Variants in KANSL1L observed in about 807,000 individuals in gnomAD.
KANSL1L encodes KAT8 regulatory NSL complex subunit 1-like protein.
Under a neutral mutation model 108.6 loss-of-function variants are expected in KANSL1L, and 25 were observed. The ratio of observed to expected loss-of-function variants is 0.23; its 90% confidence interval spans 0.17 to 0.32. The LOEUF (loss-of-function observed/expected upper bound fraction) is 0.32. Ranked by LOEUF, KANSL1L falls within the 10% of genes least tolerant of loss-of-function variation. The pLI, the probability that KANSL1L is intolerant of heterozygous loss-of-function variation, is 1.00. For missense variants in KANSL1L, 1,137 were observed against 1,125.7 expected (o/e 1.01, Z -0.14); for synonymous variants, 405 against 395.1 (o/e 1.03, Z -0.30).
chr2:210,090,576 CACCA>C (rs1416465825), intron 5 of KANSL1L, among the ~76,000 whole-genome samples: 24 of 152,262 alleles, frequency 1.6e-4, no homozygotes, highest in African/African-American at 5.5e-4. Context: ...CTCACTCTGT[CACCA>C]AGGCTGGAGG....
In KANSL1L at chr2:210,024,134, T is replaced by C; in HGVS notation, c.2632A>G (p.Ser878Gly). The C allele has an allele frequency of 6.2e-7, 1 of 1,611,730 alleles. No homozygotes were observed. The highest frequency in any genetic ancestry group is 8.5e-7 in the Non-Finnish European group (1 of 1,178,670). ...GGACTTGCAGCAGCACATTGCTGACTGCTACTGAAGTTATTAGGGTATTCT... is the reference window on the plus strand; with the variant it reads ...GGACTTGCAGCAGCACATTGCTGACCGCTACTGAAGTTATTAGGGTATTCT... ...LKEYPNNFSS[S>G]QQCAAASPPG... The change falls in exon 14 of 15, where the codon AGT (serine) becomes GGT (glycine). Residue 878 changes from serine (S) to glycine (G), a missense_variant. By Grantham distance (56) the Ser-to-Gly change is moderately conservative. This residue lies in a region of KANSL1L where 575 missense variants were observed against 567.1 expected (regional missense o/e 1.01). Transcript: ENST00000281772.
intron 6 of KANSL1L, among the ~76,000 whole-genome samples, chr2:210,072,426 C>T (rs1485058996): frequency 2.0e-5 from 3 of 152,190 alleles, no homozygotes; most frequent in African/African-American, 4.8e-5. Flanking sequence ...CTATATGCCC[C>T]CTGGCAACTG....
intron 7 of KANSL1L, among the ~76,000 whole-genome samples, chr2:210,041,292 G>C (rs1050478578): frequency 3.3e-5 from 5 of 152,226 alleles, no homozygotes; most frequent in South Asian, 2.1e-4. Flanking sequence ...CATTTATTAA[G>C]AGACACCTAA....
rs188285074 is a variant in KANSL1L, at chr2:210,040,463, A to C, written c.1986T>G (p.Ala662=). Residue 662 remains alanine, a synonymous_variant, in exon 8 of 15, where the codon GCT becomes GCG. Transcript: ENST00000281772. ...LKKTEIKGNL[A]ENKFVDEYII... ...TATATTCATCTACAAATTTATTTTC[A>C]GCAAGATTGCCTTTTATTTCAGTCT... The C allele has an allele frequency of 6.4e-7, 1 of 1,568,182 alleles. No homozygotes were observed. Among genetic ancestry groups the C allele is most frequent in the Admixed American group, 1.7e-5 (1 of 57,710 alleles).
chr2:210,032,502 G>C (rs1357342242), intron 8 of KANSL1L: 1 of 152,218 alleles, frequency 6.6e-6, no homozygotes, highest in East Asian at 1.9e-4. Context: ...AGGTGCTCTA[G>C]ACCCACAAGA....
rs566462717 is a variant in KANSL1L, at chr2:210,088,191, A to C, written c.1550+9895T>G. Reference sequence around the variant, plus strand: ...TCATGGTGGTGAACCTGAGTTATCAAAAAAATTAAGTTCAGCTCTTTCCCA... The same window carrying C: ...TCATGGTGGTGAACCTGAGTTATCACAAAAATTAAGTTCAGCTCTTTCCCA... On this transcript the variant is annotated intron_variant, in intron 5 of 14. Coordinates refer to ENST00000281772, the MANE Select transcript of KANSL1L (RefSeq NM_152519.4). 7 of 152,344 alleles carry C rather than the reference A, an allele frequency of 4.6e-5. No individual in the cohort carries two copies. The East Asian group carries it at 1.2e-3, about 25-fold the overall frequency. 9.4% of individuals were successfully genotyped at this position (152,344 alleles called of 1,614,324 possible). A position where few individuals can be genotyped will look rare whatever the true frequency, so the allele number is the denominator to read the frequency against.
At chr2:210,043,852 T>C (rs1321695916) in intron 7 of KANSL1L, 87 bp downstream of exon 7, 6 of 929,922 alleles carry the variant, frequency 6.5e-6, no homozygotes, top group East Asian at 2.7e-5. Context: ...ATTGATAAAA[T>C]AAGATTTATT....
chr2:210,106,847 C>T (rs186414788), intron 3 of KANSL1L, among the ~76,000 whole-genome samples: 14 of 151,992 alleles, frequency 9.2e-5, no homozygotes, highest in Admixed American at 7.9e-4. Flanking sequence ...TAAACTACTA[C>T]CCTGGACAAA....
chr2:210,144,524 G>C (rs1268198337), intron 2 of KANSL1L, among the ~76,000 whole-genome samples: 1 of 151,950 alleles, frequency 6.6e-6, no homozygotes, highest in Admixed American at 6.6e-5. Flanking sequence ...TCTCTGACTG[G>C]ATATTTTCAA....
rs71043976 is a variant in KANSL1L, at chr2:210,162,222, G to GTATATATATATATATATATATATATATA, written c.-29-7612_-29-7611insTATATATATATATATATATATATATATA. Among the ~76,000 whole-genome samples, 143 of 107,458 alleles carry GTATATATATATATATATATATATATATA rather than the reference G, an allele frequency of 1.3e-3. 4 individuals carry two copies. The highest frequency in any genetic ancestry group is 1.5e-3 in the Non-Finnish European group (80 of 53,388). The allele number at this position is 107,458 out of a possible 152,430, so 70.5% of individuals were successfully genotyped here. A position where few individuals can be genotyped will look rare whatever the true frequency, so the allele number is the denominator to read the frequency against. On this transcript the variant is annotated intron_variant, in intron 1 of 14. Coordinates refer to ENST00000281772, the MANE Select transcript of KANSL1L (RefSeq NM_152519.4). ...ATTACCCCCAAATTTAGTGGTTCAG[G>GTATATATATATATATATATATATATATA]TATATATATATATATATATATGTAT... is the stretch of plus-strand genomic sequence containing the variant.
rs144942878 is a variant in KANSL1L at position 210,023,316 on chromosome 2, A to C, written c.2734-137T>G. The C allele has an allele frequency of 2.4e-3, 1,560 of 647,236 alleles. 17 individuals are homozygous for C. The highest frequency in any genetic ancestry group is 0.024 in the African/African-American group (1,314 of 54,698). 40.1% of individuals were successfully genotyped at this position (647,236 alleles called of 1,614,324 possible). On this transcript the variant is annotated intron_variant, in intron 14 of 14. Transcript: ENST00000281772. ...CATAAATGTACAATTTTTCATTTCA[A>C]CTTAAATAGCAACTCAAAATGGAAT...
At chr2:210,148,962 A>T (rs1219495684) in intron 2 of KANSL1L, among the ~76,000 whole-genome samples, 1 of 152,134 alleles carries the variant, frequency 6.6e-6, no homozygotes, top group Non-Finnish European at 1.5e-5. Context: ...AAAATTACAA[A>T]CACTGAAAAT....
chr2:210,153,454 A>G (rs1397665020), intron 2 of KANSL1L, 41 bp downstream of exon 2: 2 of 1,502,548 alleles, frequency 1.3e-6, no homozygotes, highest in Non-Finnish European at 1.9e-6. Context: ...TTGCTGCTAT[A>G]TATGGAACAG....
chr2:210,145,179 C>G (rs563802008), intron 2 of KANSL1L, among the ~76,000 whole-genome samples: 1 of 152,188 alleles, frequency 6.6e-6, no homozygotes, highest in Non-Finnish European at 1.5e-5. Flanking sequence ...CTGGTGGGGT[C>G]GGTCCTCCTC....
chr2:210,108,147 A>G (rs1372356853), intron 3 of KANSL1L, among the ~76,000 whole-genome samples: 1 of 152,228 alleles, frequency 6.6e-6, no homozygotes, highest in Admixed American at 6.5e-5. Flanking sequence ...TAACATTTCA[A>G]CTAAGTTGCA....
At chr2:210,079,727 G>GATAT (rs2094574983) in intron 5 of KANSL1L, 1 of 69,096 alleles carries the variant, frequency 1.4e-5, no homozygotes, top group African/African-American at 6.3e-5. Flanking sequence ...TATATATATG[G>GATAT]TTATCATTGT....
chr2:210,132,840 TCTC>T (rs943607080), intron 2 of KANSL1L, among the ~76,000 whole-genome samples: 123 of 152,302 alleles, frequency 8.1e-4, no homozygotes, highest in African/African-American at 2.7e-3. Flanking sequence ...AGAAGTCTTC[TCTC>T]CTCCTTGATT....
At chr2:210,129,397 T>G (rs2095099177) in intron 2 of KANSL1L, among the ~76,000 whole-genome samples, 1 of 152,180 alleles carries the variant, frequency 6.6e-6, no homozygotes, top group African/African-American at 2.4e-5. Flanking sequence ...TTACATACCC[T>G]GTAGTAGGAT....
At chr2:210,146,897 C>T (rs532051200) in intron 2 of KANSL1L, among the ~76,000 whole-genome samples, 59 of 151,606 alleles carry the variant, frequency 3.9e-4, no homozygotes, top group Middle Eastern at 3.4e-3. Flanking sequence ...TTTTTCTTTT[C>T]GTTACGTGGA....
Sources: allele counts gnomAD v4.1 joint callset (sites outside exome capture counted in the v4.1 genomes callset), GRCh38; gene constraint gnomAD v4.1.1; regional missense constraint gnomAD v4.1.1; transcripts MANE v1.5; gene names NCBI Gene and HGNC (gene_info 2026-07-23, HGNC 2026-07-21).